Variants in ANO2 observed in about 807,000 individuals in gnomAD.
ANO2 encodes the protein anoctamin-2.
Under a neutral mutation model 124.2 loss-of-function variants are expected in ANO2, and 101 were observed. That is an observed-to-expected ratio of 0.81 (90% CI 0.69 to 0.96). ANO2 has a LOEUF of 0.96. ANO2 is among the 40% of genes least tolerant of loss of function. ANO2 has a pLI of 0.00. For missense variants in ANO2, 1,293 were observed against 1,274.5 expected, an observed-to-expected ratio of 1.01 and a Z score of -0.22; for synonymous variants, 486 against 482.5, an observed-to-expected ratio of 1.01 and a Z score of -0.09.
rs1450239341 is a variant in ANO2, at chr12:5,647,521, C to T, written c.1620+206G>A. ...GTCTCCATGCAGAAGCACCATCTCG[C>T]AACCCACTCCCTGGAAGTTCCAAAT... On this transcript the variant is annotated intron_variant, in intron 15 of 24. Coordinates refer to ENST00000682330, the MANE Select transcript of ANO2 (RefSeq NM_001364791.2). 2.0e-5 allele frequency among the ~76,000 whole-genome samples: 3 copies of T among 152,334 alleles called. No individual in the cohort carries two copies. In the East Asian group the frequency reaches 5.8e-4, roughly 29 times the overall value.
At chr12:5,872,418 T>A (rs775500318) in intron 3 of ANO2, among the ~76,000 whole-genome samples, 8 of 152,120 alleles carry the variant, frequency 5.3e-5, no homozygotes, top group Non-Finnish European at 5.9e-5. Flanking sequence ...TTTAAGGTAC[T>A]GGAGGCTGAT....
In ANO2 at chr12:5,625,153, A is replaced by C. The variant is rs2110167; in HGVS notation, c.1817-9856T>G. Among the ~76,000 whole-genome samples the C allele has an allele frequency of 6.3e-3, 956 of 152,040 alleles. 7 individuals are homozygous for C. Among genetic ancestry groups the C allele is most frequent in the African/African-American group, 0.013 (522 of 41,464 alleles). ...TTTCTGAACAGGGGAAGGATGTGAC[A>C]AAATTAAATTTTTAAAAAATCACAG... is the stretch of plus-strand genomic sequence containing the variant. On this transcript the variant is annotated intron_variant, in intron 16 of 24. Coordinates refer to ENST00000682330, the MANE Select transcript of ANO2 (RefSeq NM_001364791.2).
At chr12:5,781,905 T>C (rs777050925) in intron 10 of ANO2, among the ~76,000 whole-genome samples, 2 of 152,238 alleles carry the variant, frequency 1.3e-5, no homozygotes, top group Non-Finnish European at 2.9e-5. Context: ...TCCATGTGCA[T>C]GTGAAAATAA....
At position 5,577,949 on chromosome 12, in the gene ANO2, A is replaced by G. The variant is rs1305541596; in HGVS notation, c.2439+6T>C. 1.2e-6 allele frequency: 2 copies of G among 1,612,974 alleles called. No homozygotes were observed. Among genetic ancestry groups the G allele is most frequent in the East Asian group, 2.2e-5 (1 of 44,846 alleles). On this transcript the variant is annotated splice_donor_region_variant and intron_variant, in intron 22 of 24. Transcript: ENST00000682330. Reference sequence around the variant, plus strand: ...GAGCGAGTGTGTCATGAATGCAAGTACTTACGTTGCTGATAACAGAGAACT... The same window carrying G: ...GAGCGAGTGTGTCATGAATGCAAGTGCTTACGTTGCTGATAACAGAGAACT...
At chr12:5,693,135 G>A (rs1028992461) in intron 14 of ANO2, among the ~76,000 whole-genome samples, 1 of 152,112 alleles carries the variant, frequency 6.6e-6, no homozygotes, top group Non-Finnish European at 1.5e-5. Flanking sequence ...CATTGGGTGA[G>A]CTGACAAGGT....
intron 14 of ANO2, among the ~76,000 whole-genome samples, chr12:5,656,195 C>T (rs1392119303): frequency 6.6e-6 from 1 of 152,168 alleles, no homozygotes; most frequent in African/African-American, 2.4e-5. Flanking sequence ...CTTTTCCTAG[C>T]TAAAAGTGAC....
intron 16 of ANO2, among the ~76,000 whole-genome samples, chr12:5,633,643 T>G (rs749710815): frequency 6.6e-6 from 1 of 152,012 alleles, no homozygotes; most frequent in Non-Finnish European, 1.5e-5. Context: ...CACTCCATCG[T>G]GCCCTGGATG....
At position 5,832,458 on chromosome 12, in the gene ANO2, ATCT is replaced by A. The variant is rs771424818; in HGVS notation, c.776_778del (p.Lys259del). On this transcript the variant is annotated inframe_deletion, in exon 5 of 25. Coordinates refer to ENST00000682330, the MANE Select transcript of ANO2 (RefSeq NM_001364791.2). ...CAGCAGCTTCAATACTCACAGGTAC[ATCT>A]TCTCCCTGGAGAATGGGTAGGAGAG... 3.1e-6 allele frequency: 5 copies of A among 1,613,946 alleles called. No homozygotes were observed. Among genetic ancestry groups the A allele is most frequent in the South Asian group, 1.1e-5 (1 of 91,070 alleles).
intron 14 of ANO2, among the ~76,000 whole-genome samples, chr12:5,657,756 C>A (rs1228778481): frequency 6.9e-6 from 1 of 144,410 alleles, no homozygotes; most frequent in African/African-American, 2.5e-5. Context: ...GGGGATTCCC[C>A]AGTGCAATTT....
At chr12:5,614,298 C>T (rs1182716829) in intron 17 of ANO2, among the ~76,000 whole-genome samples, 1 of 152,284 alleles carries the variant, frequency 6.6e-6, no homozygotes, top group South Asian at 2.1e-4. Flanking sequence ...TCCTGGCAGA[C>T]CCCTAGGACT....
chr12:5,575,847 C>A lies in ANO2; in HGVS notation c.2608G>T (p.Val870Phe). 5 of 1,613,822 alleles carry A rather than the reference C, an allele frequency of 3.1e-6. No individual in the cohort carries two copies. Among genetic ancestry groups the A allele is most frequent in the Non-Finnish European group, 4.2e-6 (5 of 1,179,808 alleles). ...AGATTACTTTACCTGCAGAACTGAA[C>A]CTCCTGGTCAAACTGTGAGTTTTCT... ...QPENSQFDQE[V>F]QFCRFKDYRE... Residue 870 changes from valine (V) to phenylalanine (F), a missense_variant, in exon 23 of 25, where the codon GTT becomes TTT. By Grantham distance (50) the Val-to-Phe change is conservative. Transcript: ENST00000682330.
At chr12:5,859,772 G>C (rs766348414) in intron 3 of ANO2, among the ~76,000 whole-genome samples, 1 of 152,044 alleles carries the variant, frequency 6.6e-6, no homozygotes, top group East Asian at 1.9e-4. Flanking sequence ...GAACTCAAGC[G>C]ATCCACCTGC....
intron 7 of ANO2, among the ~76,000 whole-genome samples, chr12:5,820,166 C>T (rs1347361656): frequency 6.6e-6 from 1 of 152,142 alleles, no homozygotes; most frequent in Non-Finnish European, 1.5e-5. Context: ...GGTTGGGTCC[C>T]CTTGAGGAAG....
chr12:5,751,547 T>G (rs567620243), intron 10 of ANO2, among the ~76,000 whole-genome samples: 26 of 152,350 alleles, frequency 1.7e-4, no homozygotes, highest in Non-Finnish European at 3.2e-4. Context: ...GCCAGTTTAC[T>G]GAGGTATGTT....
chr12:5,744,107 C>T lies in ANO2; in HGVS notation c.1351+50G>A, dbSNP rs371157988. 4 of 1,605,924 alleles carry T rather than the reference C, an allele frequency of 2.5e-6. No individual in the cohort carries two copies. The African/African-American group carries it at 5.4e-5, about 22-fold the overall frequency. On this transcript the variant is annotated intron_variant, in intron 12 of 24. Coordinates refer to ENST00000682330, the MANE Select transcript of ANO2 (RefSeq NM_001364791.2). ...TGAGCTTTACAGCTTGGTCACTGTG[C>T]CCATGTAAAGGAACCACCCATATAA...
At position 5,769,908 on chromosome 12, in the gene ANO2, G is replaced by C. The variant is rs1952020457; in HGVS notation, c.1056-18938C>G. Among the ~76,000 whole-genome samples the C allele has an allele frequency of 6.6e-6, 1 of 152,146 alleles. No individual in the cohort carries two copies. The highest frequency in any genetic ancestry group is 1.5e-5 in the Non-Finnish European group (1 of 68,016). On this transcript the variant is annotated intron_variant, in intron 10 of 24. Transcript: ENST00000682330. This position sits in a 1 kb window ranked among gnomAD's most constrained non-coding sequence, Gnocchi z 4.0. ...GTGGAGAGCAGTGTGGTCTATGTTT[G>C]AGCCTCCACTAACCCCTCGGCTGGG...
chr12:5,897,929 A>T (rs1429049737), intron 3 of ANO2, among the ~76,000 whole-genome samples: 3 of 152,216 alleles, frequency 2.0e-5, no homozygotes, highest in Non-Finnish European at 4.4e-5. Context: ...GAGAACATTT[A>T]TCCACCAAAA....
intron 1 of ANO2, 68 bp downstream of exon 1, chr12:5,945,128 C>T: frequency 7.9e-7 from 1 of 1,264,512 alleles, no homozygotes; most frequent in Non-Finnish European, 1.0e-6. Flanking sequence ...GTTCGGATGC[C>T]GCCTCCTTCA....
intron 4 of ANO2, among the ~76,000 whole-genome samples, chr12:5,851,743 G>A (rs905236252): frequency 4.9e-4 from 75 of 151,838 alleles, no homozygotes; most frequent in Admixed American, 9.2e-4. Context: ...AGAACAGAGA[G>A]AGAGGCTAAG....
Sources: gnomAD v4.1 joint callset for allele counts (sites outside exome capture counted in the v4.1 genomes callset) on GRCh38, gnomAD v4.1.1 for gene constraint, Gnocchi (gnomAD v3.1) non-coding constraint, MANE v1.5 for transcripts, NCBI Gene and HGNC (gene_info 2026-07-23, HGNC 2026-07-21) for gene names.